SMIM35: variants seen among roughly 807,000 people sequenced by gnomAD.
The protein encoded by SMIM35 is small integral membrane protein 35, also known as TMPRSS4 antisense RNA 1 (non-protein coding).
chr11:118,065,499 T>C (rs1229026086), intron 1 of SMIM35, among the ~76,000 whole-genome samples: 1 of 152,206 alleles, frequency 6.6e-6, no homozygotes, highest in East Asian at 1.9e-4. Flanking sequence ...GGCCAACTTT[T>C]CTTTTGCATA....
At chr11:118,023,904 G>A (rs767197956) in intron 1 of SMIM35, among the ~76,000 whole-genome samples, 15 of 151,958 alleles carry the variant, frequency 9.9e-5, no homozygotes, top group Middle Eastern at 3.4e-3. Context: ...GTGTGGTGGC[G>A]TGTGCCTGTA....
At chr11:118,077,413 C>A in intron 1 of SMIM35, 1 of 1,354,040 alleles carries the variant, frequency 7.4e-7, no homozygotes, top group Non-Finnish European at 9.9e-7. Context: ...GTGACACCTT[C>A]TAGGTTAAAA....
chr11:118,040,570 G>A (rs895606136), intron 1 of SMIM35, among the ~76,000 whole-genome samples: 4 of 152,118 alleles, frequency 2.6e-5, no homozygotes, highest in African/African-American at 9.7e-5. Context: ...GTTGCTAGCA[G>A]ACTCACCTTA....
chr11:118,036,754 G>T (rs1217703096), intron 1 of SMIM35, among the ~76,000 whole-genome samples: 4 of 152,014 alleles, frequency 2.6e-5, no homozygotes, highest in Admixed American at 6.5e-5. Flanking sequence ...TGTCATGCTT[G>T]CCTCTGCTCC....
chr11:118,019,671 C>T (rs11216693), intron 1 of SMIM35, among the ~76,000 whole-genome samples: 1 of 152,080 alleles, frequency 6.6e-6, no homozygotes, highest in East Asian at 1.9e-4. Context: ...ATCCATCTCT[C>T]CTCCGAGACA....
rs539205474 is a variant in SMIM35 at position 118,011,548 on chromosome 11, C to T, written c.*33+2200G>A. Among the ~76,000 whole-genome samples the T allele has an allele frequency of 3.3e-5, 5 of 152,126 alleles. No homozygotes were observed. The East Asian group carries it at 7.7e-4, about 24-fold the overall frequency. On this transcript the variant is annotated intron_variant, in intron 4 of 4. Transcript: ENST00000689828. ...CTGTACTAAAAATATAAAAGTTAGT[C>T]GGGCATGATGGCGCACACCTGTAAC...
intron 1 of SMIM35, among the ~76,000 whole-genome samples, chr11:118,046,500 T>C (rs1944098771): frequency 1.3e-5 from 2 of 152,176 alleles, no homozygotes; most frequent in South Asian, 4.1e-4. Context: ...CATCAGGTAG[T>C]TTCCTGCCTG....
chr11:118,076,500 G>A (rs1374680629), intron 1 of SMIM35, among the ~76,000 whole-genome samples: 3 of 151,280 alleles, frequency 2.0e-5, no homozygotes, highest in African/African-American at 4.9e-5. Context: ...CTCCGTGGAC[G>A]AGGAGACGTG....
intron 1 of SMIM35, among the ~76,000 whole-genome samples, chr11:118,035,324 C>T (rs2058351164): frequency 6.6e-6 from 1 of 152,054 alleles, no homozygotes; most frequent in Admixed American, 6.6e-5. Flanking sequence ...GAATTCTGTG[C>T]CCCAAAGAGC....
At chr11:118,052,378 G>A (rs1355037951) in intron 1 of SMIM35, among the ~76,000 whole-genome samples, 1 of 152,174 alleles carries the variant, frequency 6.6e-6, no homozygotes, top group Non-Finnish European at 1.5e-5. Context: ...CTGGGGCCCT[G>A]CAGGGAAGCA....
At chr11:118,052,775 G>A (rs762803164) in intron 1 of SMIM35, among the ~76,000 whole-genome samples, 19 of 151,856 alleles carry the variant, frequency 1.3e-4, no homozygotes, top group Non-Finnish European at 1.9e-4. Flanking sequence ...TCAGCCTGGG[G>A]CACTCCTGCT....
chr11:118,010,917 G>A (rs995009655), intron 4 of SMIM35, among the ~76,000 whole-genome samples: 2 of 152,218 alleles, frequency 1.3e-5, no homozygotes, highest in Non-Finnish European at 2.9e-5. Flanking sequence ...GTCCCAGCCA[G>A]TGCCTGGCTC....
chr11:118,086,051 T>A (rs1945531002), intron 1 of SMIM35, among the ~76,000 whole-genome samples: 1 of 152,204 alleles, frequency 6.6e-6, no homozygotes, highest in Non-Finnish European at 1.5e-5. Flanking sequence ...ACCAGGTCTG[T>A]CTTCAGTTTA....
At chr11:118,014,110 T>A (rs573791551) in intron 3 of SMIM35, among the ~76,000 whole-genome samples, 1 of 152,186 alleles carries the variant, frequency 6.6e-6, no homozygotes, top group Non-Finnish European at 1.5e-5. Context: ...CCTGAATCCC[T>A]GATTTTCTGA....
At chr11:118,074,458 G>T (rs527533829) in intron 1 of SMIM35, among the ~76,000 whole-genome samples, 6 of 152,110 alleles carry the variant, frequency 3.9e-5, no homozygotes, top group African/African-American at 1.2e-4. Flanking sequence ...GGAGAATGGG[G>T]GTTCTGGGCC....
chr11:118,085,765 G>A (rs189911135), intron 1 of SMIM35, among the ~76,000 whole-genome samples: 10 of 152,172 alleles, frequency 6.6e-5, no homozygotes, highest in Non-Finnish European at 1.3e-4. Flanking sequence ...TGGCCCTCTC[G>A]AGTCCCCTCC....
intron 1 of SMIM35, among the ~76,000 whole-genome samples, chr11:118,044,425 AG>A (rs572007818): frequency 8.6e-5 from 13 of 152,044 alleles, no homozygotes; most frequent in Non-Finnish European, 1.6e-4. Context: ...ACTGACCTAA[AG>A]CCAGGAGATC....
chr11:118,058,178 T>C (rs1441737548), intron 1 of SMIM35, among the ~76,000 whole-genome samples: 3 of 152,148 alleles, frequency 2.0e-5, no homozygotes, highest in African/African-American at 7.2e-5. Flanking sequence ...GGTCACCCTG[T>C]TGTGGGACTG....
rs1157971514 is a variant in SMIM35 at position 118,048,590 on chromosome 11, G to GAAGGAAGC, written c.8-32789_8-32782dup. ...GGAAGGAAGGAAGGAAGGAAGGAAG[G>GAAGGAAGC]AAGGAAGCAAGGAAGCAAGGAAGCA... On this transcript the variant is annotated intron_variant, in intron 1 of 4. Transcript: ENST00000689828. 5.1e-3 allele frequency among the ~76,000 whole-genome samples: 526 copies of GAAGGAAGC among 103,636 alleles called. 5 individuals are homozygous for GAAGGAAGC. Among genetic ancestry groups the GAAGGAAGC allele is most frequent in the African/African-American group, 0.017 (495 of 29,024 alleles). The allele number at this position is 103,636 out of a possible 152,430, so 68.0% of individuals were successfully genotyped here. A position where few individuals can be genotyped will look rare whatever the true frequency, so the allele number is the denominator to read the frequency against.
Sources: gnomAD v4.1 joint callset for allele counts (sites outside exome capture counted in the v4.1 genomes callset) on GRCh38, gnomAD v4.1.1 for gene constraint, MANE v1.5 for transcripts, NCBI Gene and HGNC (gene_info 2026-07-23, HGNC 2026-07-21) for gene names.